Variants in BTAF1 observed in about 807,000 individuals in gnomAD.
BTAF1 encodes B-TFIID TATA-box binding protein associated factor 1.
BTAF1 carries 38 observed loss-of-function variants against 227.1 expected under a neutral mutation model. The observed-to-expected ratio is 0.17, with a 90% CI of 0.13 to 0.22. The LOEUF is 0.22. Ranked by LOEUF, BTAF1 falls within the 10% of genes least tolerant of loss-of-function variation. BTAF1 has a pLI of 1.00. For missense variants in BTAF1, 1,598 were observed against 2,204.0 expected (o/e 0.73, Z 5.51); for synonymous variants, 742 against 751.9 (o/e 0.99, Z 0.21).
At chr10:91,942,298 TTGTGTGTGTGTGTG>T (rs58443276) in intron 3 of BTAF1, 110 bp from the exon 4 acceptor site, 4,602 of 543,122 alleles carry the variant, frequency 8.5e-3, no homozygotes, top group Middle Eastern at 0.013. Flanking sequence ...AAAAAAAAGT[TTGTGTGTGTGTGTG>T]TGTGTGTGTG....
chr10:91,929,782 T>C (rs3905004), intron 1 of BTAF1, among the ~76,000 whole-genome samples: 148,594 of 152,206 alleles, frequency 0.98, 72,630 homozygotes, highest in East Asian at 1. Context: ...TCTTAAACTC[T>C]TGCCTCAAGC....
chr10:92,009,505 T>C (rs917931278), intron 28 of BTAF1, among the ~76,000 whole-genome samples: 1 of 152,184 alleles, frequency 6.6e-6, no homozygotes, highest in African/African-American at 2.4e-5. Flanking sequence ...TTTTTGGTGC[T>C]TCTGTTTTAT....
chr10:91,993,510 G>A (rs1848940918), intron 21 of BTAF1, among the ~76,000 whole-genome samples, 184 bp from the exon 22 acceptor site: 1 of 152,090 alleles, frequency 6.6e-6, no homozygotes, highest in African/African-American at 2.4e-5. Flanking sequence ...GGTGTTGTAG[G>A]CCCCTGTAAA....
In BTAF1 at chr10:91,977,838, A is replaced by G. The variant is rs1290581340; in HGVS notation, c.1651-2616A>G. On this transcript the variant is annotated intron_variant, in intron 14 of 37. Transcript: ENST00000265990. ...CATACGATGTGGGCCATCTTTTCAT[A>G]TGCTTATTTGCCTAGACTTTATTTT... 3.3e-5 allele frequency among the ~76,000 whole-genome samples: 5 copies of G among 152,116 alleles called. No individual in the cohort carries two copies. In the East Asian group the frequency reaches 7.7e-4, roughly 23 times the overall value.
intron 14 of BTAF1, among the ~76,000 whole-genome samples, chr10:91,971,537 A>G (rs1019003349): frequency 5.0e-5 from 7 of 140,966 alleles, no homozygotes; most frequent in African/African-American, 1.9e-4. Flanking sequence ...CAACGGCATG[A>G]TCTTGGCTCC....
intron 25 of BTAF1, among the ~76,000 whole-genome samples, chr10:92,005,240 T>G (rs951168155): frequency 1.6e-4 from 25 of 152,000 alleles, no homozygotes; most frequent in African/African-American, 5.8e-4. Context: ...ACATGAGTTT[T>G]TTTGTTTGTT....
intron 36 of BTAF1, 81 bp downstream of exon 36, chr10:92,026,832 G>T: frequency 7.0e-7 from 1 of 1,434,710 alleles, no homozygotes; most frequent in East Asian, 2.4e-5. Flanking sequence ...CCTTGGTTTA[G>T]TTCTTGCTCT....
intron 5 of BTAF1, among the ~76,000 whole-genome samples, chr10:91,953,422 A>G (rs956854088): frequency 2.0e-5 from 3 of 152,018 alleles, no homozygotes; most frequent in Admixed American, 2.0e-4. Context: ...TGGTGATATT[A>G]TTTTTATTTT....
chr10:91,996,660 C>T, intron 24 of BTAF1, 90 bp downstream of exon 24: 2 of 1,229,300 alleles, frequency 1.6e-6, no homozygotes. Context: ...CTAATATGCA[C>T]ATAAATAACC....
chr10:91,959,896 G>A lies in BTAF1; in HGVS notation c.1086+16G>A, dbSNP rs761321002. On this transcript the variant is annotated intron_variant, in intron 10 of 37. Transcript: ENST00000265990. Reference sequence around the variant, plus strand: ...TTCTGATGAAGTAAGTATCATTTAAGGGAGGCTTTGCCCAATCAAATTTCA... The same window carrying A: ...TTCTGATGAAGTAAGTATCATTTAAAGGAGGCTTTGCCCAATCAAATTTCA... 33 of 1,603,658 alleles carry A rather than the reference G, an allele frequency of 2.1e-5. No homozygotes were observed. The highest frequency in any genetic ancestry group is 2.5e-5 in the Non-Finnish European group (29 of 1,176,784).
chr10:91,958,010 G>T (rs1042754108), intron 8 of BTAF1, among the ~76,000 whole-genome samples: 11 of 151,908 alleles, frequency 7.2e-5, no homozygotes, highest in Non-Finnish European at 1.5e-4. Context: ...TCTTCTTTTG[G>T]CACTCACTTA....
At chr10:91,929,821 T>C (rs948360737) in intron 1 of BTAF1, among the ~76,000 whole-genome samples, 6 of 137,342 alleles carry the variant, frequency 4.4e-5, no homozygotes, top group Admixed American at 2.9e-4. Context: ...TCCCAAATGC[T>C]GGGATTACAA....
intron 30 of BTAF1, among the ~76,000 whole-genome samples, chr10:92,012,350 A>C (rs1003829463): frequency 2.7e-5 from 3 of 111,506 alleles, no homozygotes; most frequent in African/African-American, 1.1e-4. Flanking sequence ...GGGCTCAAGC[A>C]ATCCTCCCAC....
chr10:91,939,086 C>G (rs978641426), intron 2 of BTAF1, among the ~76,000 whole-genome samples: 3 of 151,560 alleles, frequency 2.0e-5, no homozygotes, highest in African/African-American at 7.3e-5. Context: ...TCCATGAACA[C>G]AAGGTGTCTA....
At chr10:91,991,265 A>AACATATATATATAT (rs1848715670) in intron 20 of BTAF1, among the ~76,000 whole-genome samples, 1 of 90,090 alleles carries the variant, frequency 1.1e-5, no homozygotes. Flanking sequence ...TATAAATATA[A>AACATATATATATAT]ATATAAATAT....
At chr10:91,948,026 TA>T (rs1342842230) in intron 4 of BTAF1, among the ~76,000 whole-genome samples, 2 of 152,184 alleles carry the variant, frequency 1.3e-5, no homozygotes, top group African/African-American at 4.8e-5. Flanking sequence ...TTTATTATTA[TA>T]CTTTAAGTTC....
chr10:91,925,516 C>CTTTTTTTTTTTTTTTTTTTTT lies in BTAF1; in HGVS notation c.14+1439_14+1440insTTTTTTTTTTTTTTTTTTTTT, dbSNP rs6144026. On this transcript the variant is annotated intron_variant, in intron 1 of 37. Coordinates refer to ENST00000265990, the MANE Select transcript of BTAF1 (RefSeq NM_003972.3). ...CCTAATTTTCGGGCAACGCTAATCT[C>CTTTTTTTTTTTTTTTTTTTTT]TTTTTTTTTTTTTGAGAAGGAATCT... is the stretch of plus-strand genomic sequence containing the variant. Among the ~76,000 whole-genome samples, 166 of 114,574 alleles carry CTTTTTTTTTTTTTTTTTTTTT rather than the reference C, an allele frequency of 1.4e-3. 25 individuals carry two copies. The highest frequency in any genetic ancestry group is 2.4e-3 in the Non-Finnish European group (129 of 52,880). The allele number at this position is 114,574 out of a possible 152,430, so 75.2% of individuals were successfully genotyped here.
At chr10:91,964,963 C>G (rs1301794056) in intron 13 of BTAF1, among the ~76,000 whole-genome samples, 1 of 152,102 alleles carries the variant, frequency 6.6e-6, no homozygotes, top group East Asian at 1.9e-4. Flanking sequence ...AGTGAATGTT[C>G]ATATAAATGC....
intron 34 of BTAF1, 92 bp from the exon 35 acceptor site, chr10:92,024,664 C>T (rs1590002904): frequency 9.2e-7 from 1 of 1,092,148 alleles, no homozygotes; most frequent in South Asian, 1.6e-5. Flanking sequence ...GTACATTTAA[C>T]CTTTTCTTGC....
Sources: gnomAD v4.1 joint callset for allele counts (sites outside exome capture counted in the v4.1 genomes callset) on GRCh38, gnomAD v4.1.1 for gene constraint, MANE v1.5 for transcripts, NCBI Gene and HGNC (gene_info 2026-07-23, HGNC 2026-07-21) for gene names.